The following CDH12 variants were observed in gnomAD, a reference collection of about 807,000 sequenced individuals.
The protein encoded by CDH12 is cadherin-12.
A neutral mutation model predicts 74.1 loss-of-function variants in CDH12; 41 were observed. The ratio of observed to expected loss-of-function variants is 0.55; its 90% CI spans 0.43 to 0.72. CDH12 has a LOEUF of 0.72. CDH12 is among the 30% of genes least tolerant of loss of function. The pLI is 0.00. For missense variants in CDH12, 945 were observed against 977.2 expected (o/e 0.97, Z 0.44); for synonymous variants, 399 against 355.0 (o/e 1.12, Z -1.39).
chr5:22,642,640 A>G (rs944088275), intron 1 of CDH12, among the ~76,000 whole-genome samples: 6 of 152,294 alleles, frequency 3.9e-5, no homozygotes, highest in Admixed American at 1.3e-4. Flanking sequence ...ACAAAAATAC[A>G]TAGTCGACAA....
intron 6 of CDH12, among the ~76,000 whole-genome samples, chr5:21,911,565 A>T (rs1460522809): frequency 6.6e-6 from 1 of 152,086 alleles, no homozygotes; most frequent in East Asian, 1.9e-4. Context: ...TTAAAGTCAT[A>T]TATAGCTTAT....
intron 1 of CDH12, among the ~76,000 whole-genome samples, chr5:22,530,536 G>C (rs1004843020): frequency 5.9e-5 from 9 of 151,996 alleles, no homozygotes; most frequent in African/African-American, 1.9e-4. Context: ...ACTTTAAAGT[G>C]CAATTCCTTT....
chr5:22,594,893 T>G (rs2126804368), intron 1 of CDH12, among the ~76,000 whole-genome samples: 1 of 152,286 alleles, frequency 6.6e-6, no homozygotes, highest in African/African-American at 2.4e-5. Flanking sequence ...TAGCCTTCCT[T>G]CAATTAGTGA....
chr5:22,650,213 A>G (rs1466421377), intron 1 of CDH12, among the ~76,000 whole-genome samples: 1 of 152,042 alleles, frequency 6.6e-6, no homozygotes, highest in Non-Finnish European at 1.5e-5. Flanking sequence ...TATCATAGAG[A>G]GTGGACAGAG....
chr5:21,898,523 A>G (rs1245650958), intron 6 of CDH12, among the ~76,000 whole-genome samples: 1 of 152,018 alleles, frequency 6.6e-6, no homozygotes, highest in Non-Finnish European at 1.5e-5. Context: ...TGACACGGTG[A>G]AACCCCGTCT....
At chr5:21,897,249 T>C (rs1459566575) in intron 6 of CDH12, among the ~76,000 whole-genome samples, 1 of 152,202 alleles carries the variant, frequency 6.6e-6, no homozygotes, top group Admixed American at 6.5e-5. Context: ...TCAGCATTCA[T>C]CCAGTAACTG....
Position 21,963,995 on chromosome 5 carries a change from C to T in CDH12, c.526+11096G>A, listed in dbSNP as rs184099147. ...CTTGGAAAGAGATGTTTCTAGAATC[C>T]CCTTCTTAGGTGACTTATTAGGAAA... On this transcript the variant is annotated intron_variant, in intron 6 of 14. Coordinates refer to ENST00000382254, the MANE Select transcript of CDH12 (RefSeq NM_004061.5). Among the ~76,000 whole-genome samples, 1,039 of 152,008 alleles carry T rather than the reference C, an allele frequency of 6.8e-3. 5 individuals carry two copies. Among genetic ancestry groups the T allele is most frequent in the Non-Finnish European group, 9.9e-3 (671 of 67,916 alleles).
chr5:22,323,819 T>C (rs543811632), intron 3 of CDH12, among the ~76,000 whole-genome samples: 137 of 152,272 alleles, frequency 9.0e-4, no homozygotes, highest in African/African-American at 3.2e-3. Flanking sequence ...GAACATGTTA[T>C]ACATCACAAG....
intron 6 of CDH12, among the ~76,000 whole-genome samples, chr5:21,953,220 G>T (rs556563910): frequency 1.3e-5 from 2 of 152,028 alleles, no homozygotes; most frequent in African/African-American, 4.8e-5. Context: ...CCTTTCTATC[G>T]ATTTCAAGAC....
At chr5:22,007,521 C>A (rs1207057807) in intron 5 of CDH12, among the ~76,000 whole-genome samples, 1 of 152,034 alleles carries the variant, frequency 6.6e-6, no homozygotes, top group African/African-American at 2.4e-5. Flanking sequence ...GTGTGGCTTC[C>A]ACTAAGCCTA....
intron 5 of CDH12, among the ~76,000 whole-genome samples, chr5:22,030,883 A>G (rs180834147): frequency 6.6e-6 from 1 of 152,272 alleles, no homozygotes; most frequent in Non-Finnish European, 1.5e-5. Context: ...CTGCTGCTTC[A>G]CCTTGCACTT....
chr5:22,463,907 T>C (rs945438974), intron 2 of CDH12, among the ~76,000 whole-genome samples: 9 of 152,204 alleles, frequency 5.9e-5, no homozygotes, highest in Non-Finnish European at 2.9e-5. Flanking sequence ...GATTCTTCTT[T>C]TAGTCTGTAA....
intron 6 of CDH12, among the ~76,000 whole-genome samples, chr5:21,856,590 C>T (rs534163667): frequency 3.3e-4 from 50 of 151,736 alleles, no homozygotes; most frequent in African/African-American, 1.0e-3. Flanking sequence ...AAGATGAACA[C>T]GTATTGTCTT....
chr5:22,752,084 T>C, intron 1 of CDH12, among the ~76,000 whole-genome samples: 1 of 152,322 alleles, frequency 6.6e-6, no homozygotes, highest in South Asian at 2.1e-4. Flanking sequence ...ATACTAGCTA[T>C]TAAAAACTAA....
intron 1 of CDH12, among the ~76,000 whole-genome samples, chr5:22,529,182 TATATATAGAGAG>T (rs1186445494): frequency 8.7e-4 from 84 of 96,782 alleles, no homozygotes; most frequent in African/African-American, 3.4e-3. Context: ...TATATATATA[TATATATAGAGAG>T]AGAGAGAGAG....
At chr5:22,321,251 CCAA>C (rs1434716835) in intron 3 of CDH12, among the ~76,000 whole-genome samples, 1 of 150,842 alleles carries the variant, frequency 6.6e-6, no homozygotes, top group African/African-American at 2.5e-5. Context: ...ACCCAAATGT[CCAA>C]CAATGATAGA....
intron 1 of CDH12, among the ~76,000 whole-genome samples, chr5:22,676,239 A>G (rs1431402085): frequency 6.6e-6 from 1 of 152,152 alleles, no homozygotes; most frequent in East Asian, 1.9e-4. Context: ...TATTGAGGCA[A>G]AAGTCACCAG....
chr5:21,781,481 T>C (rs1745905035), intron 11 of CDH12, among the ~76,000 whole-genome samples: 1 of 152,004 alleles, frequency 6.6e-6, no homozygotes, highest in Non-Finnish European at 1.5e-5. Context: ...CCCAGCACTT[T>C]GGGAGGCCGA....
At chr5:21,900,148 CT>C (rs1753317393) in intron 6 of CDH12, among the ~76,000 whole-genome samples, 2 of 152,248 alleles carry the variant, frequency 1.3e-5, no homozygotes, top group Non-Finnish European at 2.9e-5. Flanking sequence ...ACAAGCATCA[CT>C]TTTGGCACTA....
Sources: allele counts gnomAD v4.1 joint callset (sites outside exome capture counted in the v4.1 genomes callset), GRCh38; gene constraint gnomAD v4.1.1; transcripts MANE v1.5; gene names NCBI Gene and HGNC (gene_info 2026-07-23, HGNC 2026-07-21).